Variants in ZDHHC14 observed in about 807,000 individuals in gnomAD.
The protein encoded by ZDHHC14 is zDHHC palmitoyltransferase 14.
Under a neutral mutation model 47.7 loss-of-function variants are expected in ZDHHC14, and 16 were observed. That is an observed-to-expected ratio of 0.34 (90% confidence interval 0.23 to 0.51). ZDHHC14 has a LOEUF of 0.51. Among genes scored for constraint, ZDHHC14 ranks in the 20% least tolerant of loss-of-function variants. The probability of loss-of-function intolerance (pLI) is 0.97; values close to 1 mark genes in which losing one functional copy is unlikely to be tolerated. For missense variants in ZDHHC14, 515 were observed against 662.5 expected (o/e 0.78, Z 2.44); for synonymous variants, 293 against 278.9 (o/e 1.05, Z -0.50).
rs141376408 is a variant in ZDHHC14 at position 157,634,208 on chromosome 6, G to A, written c.752+1326G>A. ...GTTGGTTACAGGTCCAGATTCTATC[G>A]TCAACTAATACTTTTTAAACTCAGA... On this transcript the variant is annotated intron_variant, in intron 5 of 8. Transcript: ENST00000359775. Among the ~76,000 whole-genome samples the A allele has an allele frequency of 3.3e-3, 505 of 152,164 alleles. 1 individual carries two copies. The highest frequency in any genetic ancestry group is 0.012 in the African/African-American group (484 of 41,506).
At chr6:157,498,235 G>C (rs1003007885) in intron 1 of ZDHHC14, among the ~76,000 whole-genome samples, 2 of 147,854 alleles carry the variant, frequency 1.4e-5, no homozygotes, top group Admixed American at 1.4e-4. Flanking sequence ...CCAGGAGTTC[G>C]AGACCAGCCT....
At chr6:157,483,779 G>A (rs1427315520) in intron 1 of ZDHHC14, among the ~76,000 whole-genome samples, 1 of 152,250 alleles carries the variant, frequency 6.6e-6, no homozygotes, top group African/African-American at 2.4e-5. Context: ...TGCTACATGA[G>A]GAAGCCAGAC....
chr6:157,506,905 A>AC (rs1780339331), intron 1 of ZDHHC14, among the ~76,000 whole-genome samples: 1 of 150,866 alleles, frequency 6.6e-6, no homozygotes, highest in Admixed American at 6.6e-5. Context: ...AAGTAGAGTC[A>AC]TTTTTTTTTT....
chr6:157,555,079 A>T (rs1217927699), intron 2 of ZDHHC14, among the ~76,000 whole-genome samples: 1 of 152,156 alleles, frequency 6.6e-6, no homozygotes. Context: ...GTTCTCTTCC[A>T]GGGCCCCTCT....
chr6:157,520,501 C>A (rs377496847), intron 1 of ZDHHC14, among the ~76,000 whole-genome samples: 1 of 152,286 alleles, frequency 6.6e-6, no homozygotes, highest in East Asian at 1.9e-4. Flanking sequence ...AGCCACTGAA[C>A]AATATGTTTG....
intron 3 of ZDHHC14, among the ~76,000 whole-genome samples, chr6:157,624,169 A>C (rs1785308945): frequency 6.6e-6 from 1 of 152,132 alleles, no homozygotes; most frequent in African/African-American, 2.4e-5. Flanking sequence ...GCTTGTGCCT[A>C]ATTCTTGCCA....
intron 1 of ZDHHC14, among the ~76,000 whole-genome samples, chr6:157,526,169 G>A (rs1261354319): frequency 6.6e-6 from 1 of 152,196 alleles, no homozygotes; most frequent in Non-Finnish European, 1.5e-5. Flanking sequence ...ACTATTTATG[G>A]ACTATCTCTT....
intron 3 of ZDHHC14, among the ~76,000 whole-genome samples, chr6:157,616,853 G>A (rs919177503): frequency 4.6e-5 from 7 of 152,080 alleles, no homozygotes; most frequent in Non-Finnish European, 7.4e-5. Flanking sequence ...AGGCAAATCG[G>A]GATGGTCAGG....
At chr6:157,659,763 G>T (rs79506788) in intron 8 of ZDHHC14, among the ~76,000 whole-genome samples, 1 of 152,164 alleles carries the variant, frequency 6.6e-6, no homozygotes, top group South Asian at 2.1e-4. Flanking sequence ...GCAATCCGTC[G>T]TCTTCCTTTC....
At chr6:157,548,355 C>G (rs1257444716) in intron 2 of ZDHHC14, among the ~76,000 whole-genome samples, 2 of 152,184 alleles carry the variant, frequency 1.3e-5, no homozygotes, top group African/African-American at 2.4e-5. Flanking sequence ...ATTGCACCTG[C>G]CGGTGTGGGG....
intron 1 of ZDHHC14, among the ~76,000 whole-genome samples, chr6:157,451,082 G>A (rs554589049): frequency 6.6e-6 from 1 of 151,870 alleles, no homozygotes; most frequent in African/African-American, 2.4e-5. Flanking sequence ...CGCTTGTCAA[G>A]GTAAGATGTT....
Position 157,672,785 on chromosome 6 carries a change from T to C in ZDHHC14, c.1130T>C (p.Leu377Pro). The C allele has an allele frequency of 6.2e-7, 1 of 1,612,508 alleles. No homozygotes were observed. The highest frequency in any genetic ancestry group is 8.5e-7 in the Non-Finnish European group (1 of 1,179,762). ...KFVLQAAATP[L>P]LQSEPSLTSD... ...GTTTTGCAGGCTGCAGCCACGCCCC[T>C]GCTGCAGAGCGAGCCCAGCCTCACC... Residue 377 changes from leucine to proline, a missense_variant, in exon 9 of 9, where the codon CTG (leucine) becomes CCG (proline). Transcript: ENST00000359775.
At chr6:157,610,746 C>T (rs536014133) in intron 3 of ZDHHC14, among the ~76,000 whole-genome samples, 3 of 152,206 alleles carry the variant, frequency 2.0e-5, no homozygotes, top group African/African-American at 7.2e-5. Flanking sequence ...CAGATTTGTT[C>T]ATTTTCAACA....
intron 2 of ZDHHC14, among the ~76,000 whole-genome samples, chr6:157,546,130 C>T (rs1431468203): frequency 6.6e-6 from 1 of 152,206 alleles, no homozygotes; most frequent in Non-Finnish European, 1.5e-5. Flanking sequence ...TTAGCTGTAC[C>T]TCCTCCAGGC....
intron 1 of ZDHHC14, among the ~76,000 whole-genome samples, chr6:157,399,334 T>C (rs149999954): frequency 0.062 from 9,409 of 151,480 alleles, 405 homozygotes; most frequent in Non-Finnish European, 0.095. Flanking sequence ...CCGGGTGCCA[T>C]TGTCTGTTGC....
rs1248527132 is a variant in ZDHHC14 at position 157,677,861 on chromosome 6, A to C, written c.*4739A>C. 1.3e-5 allele frequency: 2 copies of C among 152,128 alleles called. No homozygotes were observed. Among genetic ancestry groups the C allele is most frequent in the Non-Finnish European group, 1.5e-5 (1 of 68,024 alleles). 9.4% of individuals were successfully genotyped at this position (152,128 alleles called of 1,614,324 possible). ...TTTTAGCCTGCAATTAAAAAAAAAA[A>C]AAAAAACGGTTGAAGCCTTGCTAAC... On this transcript the variant is annotated 3_prime_UTR_variant, in exon 9 of 9. Transcript: ENST00000359775.
At chr6:157,578,552 A>G (rs1279680501) in intron 2 of ZDHHC14, among the ~76,000 whole-genome samples, 1 of 151,968 alleles carries the variant, frequency 6.6e-6, no homozygotes, top group Non-Finnish European at 1.5e-5. Context: ...TCTATGTGTG[A>G]TATGGTTAGG....
At chr6:157,498,017 C>T (rs914473500) in intron 1 of ZDHHC14, among the ~76,000 whole-genome samples, 9 of 152,306 alleles carry the variant, frequency 5.9e-5, no homozygotes, top group East Asian at 3.9e-4. Flanking sequence ...AATCCCTTAA[C>T]GTGGAAAACT....
intron 1 of ZDHHC14, among the ~76,000 whole-genome samples, chr6:157,437,739 G>A (rs977621339): frequency 2.0e-5 from 3 of 152,126 alleles, no homozygotes; most frequent in Non-Finnish European, 4.4e-5. Context: ...ATTGCTACGG[G>A]ATAATAAATT....
Sources: allele counts gnomAD v4.1 joint callset (sites outside exome capture counted in the v4.1 genomes callset), GRCh38; gene constraint gnomAD v4.1.1; transcripts MANE v1.5; gene names NCBI Gene and HGNC (gene_info 2026-07-23, HGNC 2026-07-21).